Variants in GLB1L3 observed in about 807,000 individuals in gnomAD.
GLB1L3 encodes the protein beta-galactosidase-1-like protein 3.
GLB1L3 carries 89 observed loss-of-function variants against 89.5 expected under a neutral mutation model. The observed-to-expected ratio is 0.99, with a 90% CI of 0.84 to 1.19. GLB1L3 has a LOEUF of 1.19. GLB1L3 is among the 50% of genes most tolerant of loss of function. The pLI is 0.00. For missense variants in GLB1L3, 812 were observed against 813.3 expected, an observed-to-expected ratio of 1.00 and a Z score of 0.02; for synonymous variants, 314 against 312.3, an observed-to-expected ratio of 1.01 and a Z score of -0.06.
At chr11:134,321,972 TATATC>T (rs1339276495), downstream of GLB1L3, among the ~76,000 whole-genome samples, 1 of 152,076 alleles carries the variant, frequency 6.6e-6, no homozygotes, top group Admixed American at 6.6e-5. Context: ...TAAATACAGA[TATATC>T]AGCAACCATA....
At chr11:134,292,394 T>G in intron 8 of GLB1L3, 181 bp downstream of exon 8, 1 of 534,712 alleles carries the variant, frequency 1.9e-6, no homozygotes, top group East Asian at 3.0e-5. Context: ...TCAGGGCCAC[T>G]CACAGCTCCC....
chr11:134,312,776 G>T, intron 14 of GLB1L3, 40 bp from the exon 15 acceptor site: 1 of 1,536,950 alleles, frequency 6.5e-7, no homozygotes, highest in African/African-American at 1.4e-5. Context: ...CCCTTTCTTC[G>T]GGTGGGCCTA....
intron 9 of GLB1L3, among the ~76,000 whole-genome samples, chr11:134,305,836 A>G (rs1435854245): frequency 6.6e-6 from 1 of 152,156 alleles, no homozygotes; most frequent in Admixed American, 6.5e-5. Context: ...AACTCTTTGA[A>G]ATTAAAAATC....
At position 134,313,488 on chromosome 11, in the gene GLB1L3, G is replaced by A; in HGVS notation, c.1579+14G>A. On this transcript the variant is annotated intron_variant, in intron 16 of 19. Transcript: ENST00000431683. The stretch of plus-strand genomic sequence containing the variant: ...ATGAGCAGAAAGGTGGGCTCTGGCT[G>A]TGGCTTCTCCTCAGTTGCTCAGAAC... The A allele has an allele frequency of 6.4e-7, 1 of 1,563,344 alleles. No individual in the cohort carries two copies. The highest frequency in any genetic ancestry group is 8.7e-7 in the Non-Finnish European group (1 of 1,152,938).
chr11:134,320,689 G>A (rs1006763023), downstream of GLB1L3, among the ~76,000 whole-genome samples: 7 of 151,122 alleles, frequency 4.6e-5, no homozygotes, highest in African/African-American at 1.7e-4. Context: ...GAGAAAAAGA[G>A]CTCACAACTT....
chr11:134,310,972 A>G (rs930149557), intron 12 of GLB1L3, 92 bp from the exon 13 acceptor site: 35 of 865,538 alleles, frequency 4.0e-5, no homozygotes, highest in Admixed American at 4.0e-4. Context: ...CCCAATATGA[A>G]AGGAAAAGCC....
intron 13 of GLB1L3, chr11:134,311,385 G>C (rs187322355): frequency 7.4e-6 from 4 of 540,970 alleles, no homozygotes; most frequent in Non-Finnish European, 1.3e-5. Flanking sequence ...GCAGGACGTC[G>C]GAGGATCCCG....
At chr11:134,279,839 T>C (rs1940593581) in intron 3 of GLB1L3, among the ~76,000 whole-genome samples, 3 of 152,208 alleles carry the variant, frequency 2.0e-5, no homozygotes, top group Admixed American at 1.3e-4. Flanking sequence ...GTACTCTCTG[T>C]ATATTTCGGA....
At chr11:134,314,131 T>G in intron 17 of GLB1L3, 103 bp downstream of exon 17, 1 of 854,484 alleles carries the variant, frequency 1.2e-6, no homozygotes, top group Non-Finnish European at 1.9e-6. Flanking sequence ...GACTGAGTGA[T>G]GTACTCCAGG....
At chr11:134,305,343 T>C (rs1021842577) in intron 9 of GLB1L3, 7 of 493,068 alleles carry the variant, frequency 1.4e-5, no homozygotes, top group African/African-American at 1.4e-4. Flanking sequence ...GAGAAATTTG[T>C]GCTGTTAGTC....
At position 134,282,041 on chromosome 11, in the gene GLB1L3, G is replaced by T. The variant is rs1229824262; in HGVS notation, c.448G>T (p.Ala150Ser). Reference sequence around the variant, plus strand: ...CCTCCCTAGGGCCTTCGTCCTGATGGCCGCAGAGATCGGGCTGTGGGTGAT... The same window carrying T: ...CCTCCCTAGGGCCTTCGTCCTGATGTCCGCAGAGATCGGGCTGTGGGTGAT... The part of the protein sequence containing the change: ...NLDLEAFVLM[A>S]AEIGLWVILR... Residue 150 changes from alanine to serine, a missense_variant, in exon 5 of 20, where the codon GCC becomes TCC. Ala to Ser is a moderately conservative substitution (Grantham distance 99). Around this residue, in one of 3 missense-constraint regions of GLB1L3, gnomAD observed 191 missense variants for 191.4 expected, o/e 1.00. Coordinates refer to ENST00000431683, the MANE Select transcript of GLB1L3 (RefSeq NM_001080407.3). 6.4e-7 allele frequency: 1 copy of T among 1,570,540 alleles called. No homozygotes were observed. Among genetic ancestry groups the T allele is most frequent in the Admixed American group, 1.8e-5 (1 of 56,606 alleles).
At chr11:134,308,347 CCAT>C (rs1942402696) in intron 10 of GLB1L3, among the ~76,000 whole-genome samples, 3 of 42,130 alleles carry the variant, frequency 7.1e-5, no homozygotes, top group African/African-American at 2.0e-4. Context: ...ACCATCATCA[CCAT>C]CACCACTACC....
rs767891921 is a variant in GLB1L3, at chr11:134,318,719, G to A, written c.1868G>A (p.Gly623Glu). 1.2e-6 allele frequency: 2 copies of A among 1,612,098 alleles called. No homozygotes were observed. Among genetic ancestry groups the A allele is most frequent in the African/African-American group, 2.7e-5 (2 of 74,982 alleles). Residue 623 changes from glycine (G) to glutamate (E), a missense_variant, in exon 19 of 20, where the codon GGA (glycine) becomes GAA (glutamate). This residue lies in a region of GLB1L3 where 618 missense variants were observed against 604.0 expected (regional missense o/e 1.02). Transcript: ENST00000431683. ...IGPQKTLYLPGVWLHPEDNEV... is the reference protein window; with the variant it reads ...IGPQKTLYLPEVWLHPEDNEV... ...CCTCAGAAAACACTGTACCTTCCTG[G>A]AGTTTGGCTTCATCCAGAAGACAAT...
chr11:134,318,177 AG>A (rs1290654970), intron 18 of GLB1L3, among the ~76,000 whole-genome samples: 1 of 152,188 alleles, frequency 6.6e-6, no homozygotes, highest in Non-Finnish European at 1.5e-5. Context: ...TCCCAGAATA[AG>A]CAGGTGCCTC....
chr11:134,315,038 T>TA (rs1942922083), intron 18 of GLB1L3, among the ~76,000 whole-genome samples: 1 of 152,232 alleles, frequency 6.6e-6, no homozygotes, highest in Non-Finnish European at 1.5e-5. Flanking sequence ...CCTTGACTTC[T>TA]AACACCCTAG....
At chr11:134,296,855 ATAATAATAAAAAC>A (rs1388116124) in intron 9 of GLB1L3, among the ~76,000 whole-genome samples, 3 of 133,094 alleles carry the variant, frequency 2.3e-5, no homozygotes, top group Non-Finnish European at 4.9e-5. Context: ...AATAATAATA[ATAATAATAAAAAC>A]AAACAAACAA....
chr11:134,291,472 T>C (rs576421395), intron 7 of GLB1L3, among the ~76,000 whole-genome samples: 48 of 152,234 alleles, frequency 3.2e-4, no homozygotes, highest in African/African-American at 1.0e-3. Context: ...TCTCAAACTC[T>C]TGACCTCAAA....
chr11:134,314,746 C>A (rs1177793882), intron 18 of GLB1L3, among the ~76,000 whole-genome samples: 1 of 152,198 alleles, frequency 6.6e-6, no homozygotes, highest in Non-Finnish European at 1.5e-5. Flanking sequence ...ACACTGCCAA[C>A]AGTGGTACAT....
chr11:134,314,516 C>T (rs1251036428), intron 18 of GLB1L3, 75 bp downstream of exon 18: 8 of 926,792 alleles, frequency 8.6e-6, no homozygotes, highest in Admixed American at 6.2e-5. Context: ...GCAAAGCCAG[C>T]GTTCCTGGAG....
Sources: allele counts gnomAD v4.1 joint callset (sites outside exome capture counted in the v4.1 genomes callset), GRCh38; gene constraint gnomAD v4.1.1; regional missense constraint gnomAD v4.1.1; transcripts MANE v1.5; gene names NCBI Gene and HGNC (gene_info 2026-07-23, HGNC 2026-07-21).